ADCK1: variants seen among roughly 807,000 people sequenced by gnomAD.
The protein encoded by ADCK1 is aarF domain containing kinase 1, also known as aarF domain-containing protein kinase 1.
Under a neutral mutation model 52.3 loss-of-function variants are expected in ADCK1, and 41 were observed. The ratio of observed to expected loss-of-function variants is 0.78; its 90% CI spans 0.61 to 1.02. The LOEUF (loss-of-function observed/expected upper bound fraction) is 1.02, where lower values mean the gene tolerates loss of function less well. ADCK1 is among the 50% of genes least tolerant of loss of function. ADCK1 has a pLI of 0.00. For synonymous variants in ADCK1, 250 were observed against 274.6 expected, an observed-to-expected ratio of 0.91 and a Z score of 0.89; for missense variants, 658 against 679.5, an observed-to-expected ratio of 0.97 and a Z score of 0.35.
chr14:77,809,038 T>C (rs1190877028), intron 1 of ADCK1, among the ~76,000 whole-genome samples: 1 of 152,132 alleles, frequency 6.6e-6, no homozygotes, highest in Non-Finnish European at 1.5e-5. Flanking sequence ...AGAAGCTTCA[T>C]GGAAGGATAA....
intron 4 of ADCK1, among the ~76,000 whole-genome samples, 172 bp from the exon 5 acceptor site, chr14:77,886,907 AACACACACACAC>A (rs59174310): frequency 1.9e-4 from 24 of 123,936 alleles, no homozygotes; most frequent in East Asian, 1.3e-3. Context: ...ACTCTGTCTC[AACACACACACAC>A]ACACACACAC....
intron 3 of ADCK1, among the ~76,000 whole-genome samples, chr14:77,852,897 A>ATT (rs2082334200): frequency 5.8e-5 from 2 of 34,726 alleles, no homozygotes; most frequent in African/African-American, 3.0e-4. Flanking sequence ...ATATATATAT[A>ATT]TATATATATA....
intron 4 of ADCK1, among the ~76,000 whole-genome samples, chr14:77,875,717 C>T (rs890304499): frequency 5.3e-5 from 8 of 152,074 alleles, no homozygotes; most frequent in South Asian, 2.1e-4. Context: ...AAATTGGGCT[C>T]CTTGGGAAGA....
intron 3 of ADCK1, among the ~76,000 whole-genome samples, chr14:77,845,574 A>G (rs868057317): frequency 1.1e-4 from 16 of 152,198 alleles, no homozygotes; most frequent in Middle Eastern, 3.4e-3. Flanking sequence ...AGGCACATGC[A>G]TCACCACACC....
intron 3 of ADCK1, among the ~76,000 whole-genome samples, chr14:77,823,179 G>A (rs905794936): frequency 3.9e-5 from 6 of 152,056 alleles, no homozygotes; most frequent in Non-Finnish European, 7.4e-5. Context: ...CAAACAAGAG[G>A]GCATTTTTTG....
chr14:77,933,218 A>C lies in ADCK1; in HGVS notation c.1401-2A>C, dbSNP rs754115853. ...TCTCCTTTTTTCTTTCCCTTTTTCC[A>C]GGCACAAGAAGAAGAATACCTGTTC... On this transcript the variant is annotated splice_acceptor_variant, in intron 10 of 10. Transcript: ENST00000238561. LOFTEE classifies it high-confidence loss of function. 1.2e-6 allele frequency: 2 copies of C among 1,610,120 alleles called. No individual in the cohort carries two copies. The highest frequency in any genetic ancestry group is 1.7e-6 in the Non-Finnish European group (2 of 1,177,378).
At chr14:77,914,932 A>AC (rs71131604) in intron 7 of ADCK1, among the ~76,000 whole-genome samples, 18,039 of 151,756 alleles carry the variant, frequency 0.12, 1,156 homozygotes, top group Middle Eastern at 0.21. Flanking sequence ...AGCATATGGT[A>AC]CCCCCTTACC....
chr14:77,852,704 T>TATATATATATATATA (rs2082325559), intron 3 of ADCK1, among the ~76,000 whole-genome samples: 22 of 120,524 alleles, frequency 1.8e-4, no homozygotes, highest in African/African-American at 6.0e-4. Flanking sequence ...TATATATATA[T>TATATATATATATATA]TTCACTCCTC....
chr14:77,900,064 C>A (rs2083497068), intron 6 of ADCK1, among the ~76,000 whole-genome samples: 1 of 117,964 alleles, frequency 8.5e-6, no homozygotes, highest in African/African-American at 3.2e-5. Flanking sequence ...GAGTGAAACT[C>A]CGTCTCAAAA....
At chr14:77,892,349 G>T (rs8009433) in intron 5 of ADCK1, among the ~76,000 whole-genome samples, 91,617 of 152,002 alleles carry the variant, frequency 0.6, 27,673 homozygotes, top group South Asian at 0.67. Context: ...GTTGTGTCAG[G>T]TGGGATGCTT....
intron 4 of ADCK1, among the ~76,000 whole-genome samples, chr14:77,877,802 G>A (rs1413728715): frequency 2.6e-5 from 4 of 152,120 alleles, no homozygotes. Context: ...ATGGAGTCTT[G>A]TTAATGTTGT....
chr14:77,805,252 CTTTTTTTTTTT>C (rs777184096), intron 1 of ADCK1, among the ~76,000 whole-genome samples: 2 of 62,316 alleles, frequency 3.2e-5, no homozygotes, highest in East Asian at 4.7e-4. Context: ...GCTTTGCATT[CTTTTTTTTTTT>C]TTTTTTTTTT....
chr14:77,895,343 C>T (rs761054398), intron 5 of ADCK1, among the ~76,000 whole-genome samples: 3 of 152,198 alleles, frequency 2.0e-5, no homozygotes, highest in African/African-American at 4.8e-5. Context: ...CTTTGGATAA[C>T]ACATGTGAAC....
intron 3 of ADCK1, among the ~76,000 whole-genome samples, chr14:77,843,225 C>T (rs1395457958): frequency 6.6e-6 from 1 of 152,096 alleles, no homozygotes; most frequent in Non-Finnish European, 1.5e-5. Flanking sequence ...CCACCAGCCC[C>T]CAAGAGCCCC....
intron 3 of ADCK1, among the ~76,000 whole-genome samples, chr14:77,857,658 T>C (rs921213236): frequency 2.0e-5 from 3 of 152,254 alleles, no homozygotes; most frequent in African/African-American, 7.2e-5. Context: ...CTAAATTTCC[T>C]GTGTGGTTCA....
At chr14:77,812,471 T>C (rs2081355247) in intron 1 of ADCK1, among the ~76,000 whole-genome samples, 1 of 152,130 alleles carries the variant, frequency 6.6e-6, no homozygotes. Context: ...TTCCTTCCTT[T>C]TTATGGCTGG....
At chr14:77,927,306 C>T (rs1233061532) in intron 9 of ADCK1, among the ~76,000 whole-genome samples, 2 of 152,230 alleles carry the variant, frequency 1.3e-5, no homozygotes, top group African/African-American at 2.4e-5. Context: ...CTTCTACAGC[C>T]TTGAAGCCCG....
At chr14:77,825,916 T>G (rs1334221486) in intron 3 of ADCK1, among the ~76,000 whole-genome samples, 3 of 152,178 alleles carry the variant, frequency 2.0e-5, no homozygotes, top group Non-Finnish European at 4.4e-5. Context: ...TGGTGTAACA[T>G]TCTACGGAGA....
chr14:77,859,711 A>G (rs895735604), intron 4 of ADCK1, among the ~76,000 whole-genome samples: 12 of 152,144 alleles, frequency 7.9e-5, no homozygotes, highest in Non-Finnish European at 1.8e-4. Context: ...CCTTGCACAA[A>G]TGATTGATCT....
Sources: allele counts gnomAD v4.1 joint callset (sites outside exome capture counted in the v4.1 genomes callset), GRCh38; gene constraint gnomAD v4.1.1; transcripts MANE v1.5; gene names NCBI Gene and HGNC (gene_info 2026-07-23, HGNC 2026-07-21).